The following TOX variants were observed in gnomAD, a reference collection of about 807,000 sequenced individuals.
TOX encodes the protein thymocyte selection-associated high mobility group box protein TOX.
In TOX, 11 loss-of-function variants were observed where a neutral mutation model predicts 53.7. That is an observed-to-expected ratio of 0.20 (90% CI 0.13 to 0.34). TOX has a LOEUF of 0.34. Ranked by LOEUF, TOX falls within the 10% of genes least tolerant of loss-of-function variation. The pLI is 1.00. For synonymous variants in TOX, 225 were observed against 245.3 expected (o/e 0.92, Z 0.77); for missense variants, 570 against 664.6 (o/e 0.86, Z 1.56).
At chr8:58,819,336 T>C (rs1810233240) in intron 6 of TOX, among the ~76,000 whole-genome samples, 1 of 152,244 alleles carries the variant, frequency 6.6e-6, no homozygotes, top group Non-Finnish European at 1.5e-5. Context: ...ATGAGTGTCA[T>C]GTTGGTCACC....
At chr8:58,992,021 C>G (rs1437962767) in intron 1 of TOX, 1 of 152,268 alleles carries the variant, frequency 6.6e-6, no homozygotes, top group Non-Finnish European at 1.5e-5. Flanking sequence ...GCAGGCAGTG[C>G]TAGGTCTGCG....
intron 3 of TOX, among the ~76,000 whole-genome samples, chr8:58,923,931 A>C (rs1377070182): frequency 6.6e-6 from 1 of 152,216 alleles, no homozygotes; most frequent in Non-Finnish European, 1.5e-5. Context: ...TCCTGTGTGC[A>C]TGAATGCATA....
intron 3 of TOX, among the ~76,000 whole-genome samples, chr8:58,877,141 T>A (rs2594954): frequency 0.72 from 110,022 of 152,090 alleles, 40,963 homozygotes; most frequent in African/African-American, 0.92. Context: ...AGGGAACCAA[T>A]GCTAGAACCA....
chr8:59,094,776 T>C (rs1210684392), intron 1 of TOX, among the ~76,000 whole-genome samples: 2 of 152,162 alleles, frequency 1.3e-5, no homozygotes, highest in Non-Finnish European at 2.9e-5. Flanking sequence ...GAATGAGTAG[T>C]GTTCCTTAAA....
rs774582263 is a variant in TOX, at chr8:58,851,780, C to T, written c.437G>A (p.Gly146Glu). Residue 146 changes from glycine to glutamate, a missense_variant, in exon 4 of 9, where the codon GGA (glycine) becomes GAA (glutamate). By Grantham distance (98) the Gly-to-Glu change is moderately conservative. Transcript: ENST00000361421. The surrounding 1 kb of genome is among the most constrained non-coding windows in gnomAD (Gnocchi z 4.4). The part of the protein sequence containing the change: ...SVMPDIRNPE[G>E]TQYSSHPQMA... ...CTGAGGATGGGAACTGTACTGAGTTCCTTCTGGGTTTCGTATATCTGGCAT... is the reference window on the plus strand; with the variant it reads ...CTGAGGATGGGAACTGTACTGAGTTTCTTCTGGGTTTCGTATATCTGGCAT... 1 of 1,578,732 alleles carries T rather than the reference C, an allele frequency of 6.3e-7. No individual in the cohort carries two copies. The highest frequency in any genetic ancestry group is 8.6e-7 in the Non-Finnish European group (1 of 1,158,888).
chr8:58,817,543 G>A (rs541403417), intron 6 of TOX, among the ~76,000 whole-genome samples: 2 of 152,296 alleles, frequency 1.3e-5, no homozygotes, highest in South Asian at 2.1e-4. Context: ...AGAATAACAT[G>A]TACTGCAATT....
At chr8:58,897,390 T>C (rs1811668951) in intron 3 of TOX, among the ~76,000 whole-genome samples, 1 of 152,208 alleles carries the variant, frequency 6.6e-6, no homozygotes, top group African/African-American at 2.4e-5. Flanking sequence ...ATCAGAAACC[T>C]GTGAAGATAG....
At chr8:58,998,530 T>TAATAA (rs57585653) in intron 1 of TOX, among the ~76,000 whole-genome samples, 1 of 44,012 alleles carries the variant, frequency 2.3e-5, no homozygotes, top group South Asian at 6.0e-4. Context: ...TATATATATA[T>TAATAA]ATATATATAA....
At chr8:59,029,584 G>T (rs1448573305) in intron 1 of TOX, among the ~76,000 whole-genome samples, 1 of 152,142 alleles carries the variant, frequency 6.6e-6, no homozygotes, top group African/African-American at 2.4e-5. Context: ...TACAGACAAG[G>T]TGGAAGAGAA....
chr8:58,943,451 G>C (rs748026513), intron 2 of TOX, among the ~76,000 whole-genome samples: 79 of 152,144 alleles, frequency 5.2e-4, no homozygotes, highest in Middle Eastern at 3.4e-3. Flanking sequence ...ATTCCAGCAG[G>C]TTCCTTTTCT....
At chr8:59,112,062 G>A (rs1805025250) in intron 1 of TOX, among the ~76,000 whole-genome samples, 1 of 152,126 alleles carries the variant, frequency 6.6e-6, no homozygotes, top group South Asian at 2.1e-4. Flanking sequence ...TTTATCAAGT[G>A]AGGCAAACTT....
chr8:59,102,680 G>C (rs546603570), intron 1 of TOX, among the ~76,000 whole-genome samples: 24 of 152,236 alleles, frequency 1.6e-4, no homozygotes, highest in Non-Finnish European at 2.5e-4. Context: ...GATGAGATTT[G>C]GGTGGGGACA....
chr8:58,948,864 A>T (rs982595053), intron 2 of TOX, among the ~76,000 whole-genome samples: 13 of 152,310 alleles, frequency 8.5e-5, no homozygotes, highest in Non-Finnish European at 1.3e-4. Context: ...AATCACCTTT[A>T]ATCCAACCAC....
chr8:58,824,340 C>T (rs1810332562), intron 6 of TOX, among the ~76,000 whole-genome samples: 1 of 152,202 alleles, frequency 6.6e-6, no homozygotes, highest in South Asian at 2.1e-4. Context: ...CTTACCAGAA[C>T]CCATTCTGTG....
At chr8:58,911,257 G>A (rs372109532) in intron 3 of TOX, among the ~76,000 whole-genome samples, 5 of 152,126 alleles carry the variant, frequency 3.3e-5, no homozygotes, top group East Asian at 1.9e-4. Flanking sequence ...AGTTTGGGAC[G>A]AGTGTAGTTA....
chr8:58,990,497 A>C (rs1813421869), intron 1 of TOX, among the ~76,000 whole-genome samples: 1 of 151,860 alleles, frequency 6.6e-6, no homozygotes, highest in African/African-American at 2.4e-5. Flanking sequence ...CAACCAAAAG[A>C]AACTTAAACA....
chr8:58,887,182 G>A (rs1320810403), intron 3 of TOX, among the ~76,000 whole-genome samples: 1 of 151,806 alleles, frequency 6.6e-6, no homozygotes, highest in East Asian at 1.9e-4. Context: ...TCTTATTCAG[G>A]ATGGATTCTT....
chr8:59,090,538 C>A (rs1804591984), intron 1 of TOX, among the ~76,000 whole-genome samples: 1 of 152,172 alleles, frequency 6.6e-6, no homozygotes, highest in South Asian at 2.1e-4. Context: ...TCATCCCCCA[C>A]AGAAAAAGGA....
chr8:59,080,196 T>C (rs566293738), intron 1 of TOX, among the ~76,000 whole-genome samples: 3 of 152,244 alleles, frequency 2.0e-5, no homozygotes, highest in African/African-American at 7.2e-5. Context: ...TTGGTCAGGC[T>C]GGTCTCAAAC....
Sources: allele counts gnomAD v4.1 joint callset (sites outside exome capture counted in the v4.1 genomes callset), GRCh38; gene constraint gnomAD v4.1.1; non-coding constraint Gnocchi (gnomAD v3.1); transcripts MANE v1.5; gene names NCBI Gene and HGNC (gene_info 2026-07-23, HGNC 2026-07-21).